The following CAND2 variants were observed in gnomAD, a reference collection of about 807,000 sequenced individuals.
CAND2 encodes the protein cullin-associated NEDD8-dissociated protein 2.
In CAND2, 62 loss-of-function variants were observed where a neutral mutation model predicts 98.9. The ratio of observed to expected loss-of-function variants is 0.63; its 90% CI spans 0.51 to 0.77. CAND2 has a LOEUF of 0.77. Ranked by LOEUF, CAND2 falls within the 30% of genes least tolerant of loss-of-function variation. The pLI is 0.00. For synonymous variants in CAND2, 770 were observed against 731.9 expected (o/e 1.05, Z -0.84); for missense variants, 1,501 against 1,655.2 (o/e 0.91, Z 1.62).
In CAND2 at chr3:12,815,918, A is replaced by G; in HGVS notation, c.1351A>G (p.Arg451Gly). ...LQRQLKDRSV[R>G]ARQGCFSLLT... is the part of the protein sequence containing the mutation. Reference sequence around the variant, plus strand: ...GCGGCAGCTTAAAGATCGGAGCGTCAGAGCCCGCCAGGGATGCTTCAGCCT... The same window carrying G: ...GCGGCAGCTTAAAGATCGGAGCGTCGGAGCCCGCCAGGGATGCTTCAGCCT... The change falls in exon 9 of 15, where the codon AGA (arginine) becomes GGA (glycine). Residue 451 changes from arginine (R) to glycine (G), a missense_variant. This residue lies in a region of CAND2 where 1,427 missense variants were observed against 1,545.3 expected (regional missense o/e 0.92). Transcript: ENST00000456430. This position sits in a 1 kb window ranked among gnomAD's most constrained non-coding sequence, Gnocchi z 5.7. 6.2e-7 allele frequency: 1 copy of G among 1,613,770 alleles called. No homozygotes were observed. Among genetic ancestry groups the G allele is most frequent in the Non-Finnish European group, 8.5e-7 (1 of 1,179,956 alleles).
intron 10 of CAND2, among the ~76,000 whole-genome samples, chr3:12,819,002 G>C (rs529196282): frequency 2.6e-5 from 4 of 152,318 alleles, no homozygotes; most frequent in African/African-American, 7.2e-5. Flanking sequence ...AGCACCAACT[G>C]CTGGGAAGCT....
At chr3:12,810,631 G>C (rs1253862145) in intron 5 of CAND2, among the ~76,000 whole-genome samples, 5 of 152,230 alleles carry the variant, frequency 3.3e-5, no homozygotes, top group African/African-American at 1.2e-4. Context: ...TCAGAGAAGG[G>C]GGTTGGTTCA....
At chr3:12,800,573 G>C (rs148989025) in intron 1 of CAND2, among the ~76,000 whole-genome samples, 1 of 152,328 alleles carries the variant, frequency 6.6e-6, no homozygotes, top group African/African-American at 2.4e-5. Context: ...GAGCCAGTCA[G>C]TGGGTGAAGT....
chr3:12,798,612 G>C (rs1256345336), intron 1 of CAND2, among the ~76,000 whole-genome samples: 1 of 152,168 alleles, frequency 6.6e-6, no homozygotes, highest in African/African-American at 2.4e-5. Context: ...AGGTCACAGA[G>C]CTGGCTAGTG....
At chr3:12,801,318 G>A (rs1310546733) in intron 1 of CAND2, among the ~76,000 whole-genome samples, 4 of 152,238 alleles carry the variant, frequency 2.6e-5, no homozygotes, top group East Asian at 1.9e-4. Flanking sequence ...GATTACAGGC[G>A]TGAGCCGCCA....
rs202018638 is a variant in CAND2 at position 12,817,416 on chromosome 3, C to T, written c.2484C>T (p.Cys828=). 49 of 1,613,604 alleles carry T rather than the reference C, an allele frequency of 3.0e-5. No individual in the cohort carries two copies. The highest frequency in any genetic ancestry group is 1.6e-4 in the Middle Eastern group (1 of 6,066). Residue 828 remains cysteine (C), a synonymous_variant, in exon 10 of 15, where the codon TGC becomes TGT. Coordinates refer to ENST00000456430, the MANE Select transcript of CAND2 (RefSeq NM_001162499.2). ...CAAGCACAGCCAGTCGCCTGGTCTG[C>T]GATGCCAGGTCGCCCCACTCCAGCA... ...EAASTASRLV[C]DARSPHSSTG... is the part of the protein sequence containing the mutation.
chr3:12,813,262 G>T lies in CAND2; in HGVS notation c.880G>T (p.Gly294Cys). Residue 294 changes from glycine to cysteine, a missense_variant, in exon 7 of 15, where the codon GGT (glycine) becomes TGT (cysteine). Gly to Cys is a radical substitution (Grantham distance 159). Around this residue, in one of 3 missense-constraint regions of CAND2, gnomAD observed 1,427 missense variants for 1,545.3 expected, o/e 0.92. Transcript: ENST00000456430. ...AFLRKCPKEM[G>C]PHVPNVTSLC... ...GCCCCACAGGTGCCCCAAGGAAATG[G>T]GTCCTCACGTGCCCAACGTGACCAG... 6.2e-7 allele frequency: 1 copy of T among 1,613,498 alleles called. No homozygotes were observed. Among genetic ancestry groups the T allele is most frequent in the Non-Finnish European group, 8.5e-7 (1 of 1,179,930 alleles).
In CAND2 at chr3:12,816,662, G is replaced by A. The variant is rs375865585; in HGVS notation, c.1730G>A (p.Arg577Gln). Residue 577 changes from arginine to glutamine, a missense_variant, in exon 10 of 15, where the codon CGA becomes CAA. Physicochemically the swap from Arg to Gln is conservative, Grantham distance 43 (BLOSUM62 1). Coordinates refer to ENST00000456430, the MANE Select transcript of CAND2 (RefSeq NM_001162499.2). Reference sequence around the variant, plus strand: ...GAGATGTCTGCTGTCACCCTGGCGCGACTTCGTGCCACTGACCTGGACCAG... The same window carrying A: ...GAGATGTCTGCTGTCACCCTGGCGCAACTTCGTGCCACTGACCTGGACCAG... The part of the protein sequence containing the change: ...VGEMSAVTLA[R>Q]LRATDLDQEV... 1.5e-5 allele frequency: 25 copies of A among 1,613,782 alleles called. No homozygotes were observed. The African/African-American group carries it at 1.6e-4, about 10-fold the overall frequency.
chr3:12,800,931 C>T (rs6785863), intron 1 of CAND2, among the ~76,000 whole-genome samples: 23,346 of 152,002 alleles, frequency 0.15, 3,740 homozygotes, highest in African/African-American at 0.41. Flanking sequence ...CCCTGTTGGC[C>T]AGGCTGGTCT....
Position 12,805,863 on chromosome 3 carries a change from G to A in CAND2, c.213-1443G>A, listed in dbSNP as rs919592856. On this transcript the variant is annotated intron_variant, in intron 2 of 14. Coordinates refer to ENST00000456430, the MANE Select transcript of CAND2 (RefSeq NM_001162499.2). ...TGTTTTACATTATTGTCTTTCTGCCGTTCCTGCTTCTCAACCCCTTAAAGG... is the reference window on the plus strand; with the variant it reads ...TGTTTTACATTATTGTCTTTCTGCCATTCCTGCTTCTCAACCCCTTAAAGG... 3.3e-5 allele frequency among the ~76,000 whole-genome samples: 5 copies of A among 152,138 alleles called. No individual in the cohort carries two copies. The South Asian group carries it at 6.2e-4, about 19-fold the overall frequency.
In CAND2 at chr3:12,815,977, C is replaced by G. The variant is rs899315122; in HGVS notation, c.1410C>G (p.Ser470Arg). 9 of 1,613,820 alleles carry G rather than the reference C, an allele frequency of 5.6e-6. No homozygotes were observed. The highest frequency in any genetic ancestry group is 4.0e-5 in the African/African-American group (3 of 74,914). Residue 470 changes from serine to arginine, a missense_variant, in exon 9 of 15, where the codon AGC (serine) becomes AGG (arginine). Ser to Arg is a moderately radical substitution (Grantham distance 110). This residue lies in a region of CAND2 where 1,427 missense variants were observed against 1,545.3 expected (regional missense o/e 0.92). Coordinates refer to ENST00000456430, the MANE Select transcript of CAND2 (RefSeq NM_001162499.2). The surrounding 1 kb of genome is among the most constrained non-coding windows in gnomAD (Gnocchi z 5.7). ...LTELAGVLPG[S>R]LAEHMPVLVS... is the part of the protein sequence containing the mutation. Reference sequence around the variant, plus strand: ...AGCTGGCGGGTGTCCTCCCAGGCAGCCTGGCCGAGCATATGCCTGTGCTGG... The same window carrying G: ...AGCTGGCGGGTGTCCTCCCAGGCAGGCTGGCCGAGCATATGCCTGTGCTGG...
chr3:12,817,051 G>T lies in CAND2; in HGVS notation c.2119G>T (p.Asp707Tyr), dbSNP rs781775178. The change falls in exon 10 of 15, where the codon GAC (aspartate) becomes TAC (tyrosine). Residue 707 changes from aspartate (D) to tyrosine (Y), a missense_variant. Coordinates refer to ENST00000456430, the MANE Select transcript of CAND2 (RefSeq NM_001162499.2). ...GCTGCCTGCCCTGGTCAACGAGAGC[G>T]ACATGCATGTGGCCCAGCTGGCTGT... ...AELPALVNES[D>Y]MHVAQLAVDF... The T allele has an allele frequency of 6.2e-7, 1 of 1,612,944 alleles. No individual in the cohort carries two copies. Among genetic ancestry groups the T allele is most frequent in the East Asian group, 2.2e-5 (1 of 44,866 alleles).
rs148460445 is a variant in CAND2, at chr3:12,798,758, C to A, written c.68+1970C>A. 3.5e-4 allele frequency among the ~76,000 whole-genome samples: 54 copies of A among 152,286 alleles called. No homozygotes were observed. The East Asian group carries it at 0.01, about 29-fold the overall frequency. ...TGGCCTGGAGAACACTTAAAACCAC[C>A]CCAAGCATGTGAGAATGGTGTCTAT... On this transcript the variant is annotated intron_variant, in intron 1 of 14. Transcript: ENST00000456430.
chr3:12,813,057 G>A lies in CAND2; in HGVS notation c.825G>A (p.Arg275=). 1 of 1,583,628 alleles carries A rather than the reference G, an allele frequency of 6.3e-7. No individual in the cohort carries two copies. The highest frequency in any genetic ancestry group is 1.2e-5 in the South Asian group (1 of 86,462). Residue 275 remains arginine, a synonymous_variant, in exon 6 of 15, where the codon CGG becomes CGA. Transcript: ENST00000456430. The stretch of plus-strand genomic sequence containing the variant: ...GCAACCTGGATGATGATGAGCTCCG[G>A]GAGTCCTGCCTCCAGGCTTTTGAGG... ...DFCNLDDDEL[R]ESCLQAFEAF... is the part of the protein sequence containing the mutation.
At position 12,817,624 on chromosome 3, in the gene CAND2, C is replaced by G. The variant is rs774742040; in HGVS notation, c.2692C>G (p.Pro898Ala). 1.2e-6 allele frequency: 2 copies of G among 1,613,502 alleles called. No homozygotes were observed. The highest frequency in any genetic ancestry group is 1.7e-6 in the Non-Finnish European group (2 of 1,179,970). ...TGCTGGCAGCCTGCCCGACTTCCTGCCCTTCCTGCTGGAGCAGATCGAGGC... is the reference window on the plus strand; with the variant it reads ...TGCTGGCAGCCTGCCCGACTTCCTGGCCTTCCTGCTGGAGCAGATCGAGGC... The part of the protein sequence containing the change: ...VGAGSLPDFL[P>A]FLLEQIEAEP... The change falls in exon 10 of 15, where the codon CCC becomes GCC. Residue 898 changes from proline (P) to alanine (A), a missense_variant. Pro to Ala is a conservative substitution (Grantham distance 27, BLOSUM62 -1). This residue lies in a region of CAND2 where 1,427 missense variants were observed against 1,545.3 expected (regional missense o/e 0.92). Coordinates refer to ENST00000456430, the MANE Select transcript of CAND2 (RefSeq NM_001162499.2).
chr3:12,820,097 AC>A lies in CAND2; in HGVS notation c.2959del (p.Arg987GlyfsTer23). The A allele has an allele frequency of 6.2e-7, 1 of 1,613,914 alleles. No individual in the cohort carries two copies. The highest frequency in any genetic ancestry group is 8.5e-7 in the Non-Finnish European group (1 of 1,179,926). ...TTCTTGTCCTGCAGGTCGGCCACAC[AC>A]CCGGAGCACCGTCATCACAGCGGTC... ...RKQLAAGRPH[T>X]RSTVITAVKF... On this transcript the variant is annotated frameshift_variant, in exon 11 of 15. Transcript: ENST00000456430. LOFTEE classifies it high-confidence loss of function.
Position 12,821,406 on chromosome 3 carries a change from T to TA in CAND2, c.3040+1234dup, listed in dbSNP as rs542971750. On this transcript the variant is annotated intron_variant, in intron 11 of 14. Transcript: ENST00000456430. ...CAAGAGCAAAACTCTGTCTCATAAA[T>TA]AAAAAAAAAGGAACGGTTGTGCTGA... 2.8e-3 allele frequency among the ~76,000 whole-genome samples: 415 copies of TA among 150,710 alleles called. 1 individual carries two copies. Among genetic ancestry groups the TA allele is most frequent in the Non-Finnish European group, 4.5e-3 (305 of 67,560 alleles).
chr3:12,815,513 C>T lies in CAND2; in HGVS notation c.1299+80C>T. Reference sequence around the variant, plus strand: ...CTGTTAGTGTCCCTGGACTTGGAAACTCAGCTGGGAGAACATCCAGCCATG... The same window carrying T: ...CTGTTAGTGTCCCTGGACTTGGAAATTCAGCTGGGAGAACATCCAGCCATG... On this transcript the variant is annotated intron_variant, in intron 8 of 14. Coordinates refer to ENST00000456430, the MANE Select transcript of CAND2 (RefSeq NM_001162499.2). The surrounding 1 kb of genome is among the most constrained non-coding windows in gnomAD (Gnocchi z 5.7). 1 of 1,406,056 alleles carries T rather than the reference C, an allele frequency of 7.1e-7. No individual in the cohort carries two copies. The highest frequency in any genetic ancestry group is 2.4e-5 in the East Asian group (1 of 41,534). 87.1% of individuals were successfully genotyped at this position (1,406,056 alleles called of 1,614,324 possible).
rs997837952 is a variant in CAND2, at chr3:12,808,237, G to T, written c.395G>T (p.Arg132Leu). 5.4e-5 allele frequency: 83 copies of T among 1,551,140 alleles called. No homozygotes were observed. Among genetic ancestry groups the T allele is most frequent in the Non-Finnish European group, 6.8e-5 (78 of 1,146,974 alleles). Reference protein sequence around the residue: ...TGSGLATNVCRKITGQLTSAI... With the variant: ...TGSGLATNVCLKITGQLTSAI... Reference sequence around the variant, plus strand: ...TCCGGGCTGGCCACCAACGTGTGCCGGAAGATCACAGGCCAGCTCACCAGT... The same window carrying T: ...TCCGGGCTGGCCACCAACGTGTGCCTGAAGATCACAGGCCAGCTCACCAGT... Residue 132 changes from arginine to leucine, a missense_variant, in exon 4 of 15, where the codon CGG becomes CTG. Arg to Leu is a moderately radical substitution (Grantham distance 102). Transcript: ENST00000456430.
Sources: gnomAD v4.1 joint callset for allele counts (sites outside exome capture counted in the v4.1 genomes callset) on GRCh38, gnomAD v4.1.1 for gene constraint, gnomAD v4.1.1 regional missense constraint, Gnocchi (gnomAD v3.1) non-coding constraint, MANE v1.5 for transcripts, NCBI Gene and HGNC (gene_info 2026-07-23, HGNC 2026-07-21) for gene names.